The following UNC80 variants were observed in gnomAD, a reference collection of about 807,000 sequenced individuals.
UNC80 encodes the protein unc-80 subunit of NALCN channel complex.
A neutral mutation model predicts 384.6 loss-of-function variants in UNC80; 164 were observed. That is an observed-to-expected ratio of 0.43 (90% CI 0.38 to 0.49). The LOEUF (loss-of-function observed/expected upper bound fraction) is 0.49. Ranked by LOEUF, UNC80 falls within the 20% of genes least tolerant of loss-of-function variation. UNC80 has a pLI of 0.00. For synonymous variants in UNC80, 1,486 were observed against 1,527.8 expected, an observed-to-expected ratio of 0.97 and a Z score of 0.64; for missense variants, 3,330 against 4,143.0, an observed-to-expected ratio of 0.80 and a Z score of 5.39.
chr2:209,835,262 A>G (rs1433823147), intron 18 of UNC80, among the ~76,000 whole-genome samples: 1 of 152,168 alleles, frequency 6.6e-6, no homozygotes, highest in Non-Finnish European at 1.5e-5. Context: ...CTTTTCATGC[A>G]CACTACTGAA....
At chr2:209,786,537 GATTATT>G (rs148673755) in intron 5 of UNC80, among the ~76,000 whole-genome samples, 2 of 152,016 alleles carry the variant, frequency 1.3e-5, no homozygotes, top group Admixed American at 6.6e-5. Flanking sequence ...TGGCAGCTGC[GATTATT>G]ATTATTATTA....
rs77958724 is a variant in UNC80 at position 209,975,577 on chromosome 2, G to A, written c.8588-542G>A. ...ACCTCTGGGGAGCAGTTTAGTGTGG[G>A]GTCAGGAAGGGAACTGGGAAGGAAA... On this transcript the variant is annotated intron_variant, in intron 56 of 64. Coordinates refer to ENST00000673920, the MANE Select transcript of UNC80 (RefSeq NM_001371986.1). 8.6e-3 allele frequency among the ~76,000 whole-genome samples: 1,304 copies of A among 152,208 alleles called. 17 individuals are homozygous for A. Among genetic ancestry groups the A allele is most frequent in the African/African-American group, 0.03 (1,240 of 41,506 alleles).
At chr2:209,987,956 G>A (rs921659549) in intron 61 of UNC80, among the ~76,000 whole-genome samples, 3 of 152,088 alleles carry the variant, frequency 2.0e-5, no homozygotes, top group African/African-American at 4.8e-5. Flanking sequence ...TATCTACTTT[G>A]CCATTGCTAA....
chr2:209,984,885 G>A lies in UNC80; in HGVS notation c.9287G>A (p.Gly3096Asp). Residue 3096 changes from glycine to aspartate, a missense_variant, in exon 61 of 65, where the codon GGC (glycine) becomes GAC (aspartate). This residue lies in a region of UNC80 where 216 missense variants were observed against 245.3 expected (regional missense o/e 0.88). Coordinates refer to ENST00000673920, the MANE Select transcript of UNC80 (RefSeq NM_001371986.1). ...SEPNVLDDSQ[G>D]LAAEGSLSRV... is the part of the protein sequence containing the mutation. The stretch of plus-strand genomic sequence containing the variant: ...CCTAATGTCCTCGATGACTCCCAGG[G>A]CCTGGCCGCCGAGGGCAGCCTCTCT... 6.4e-7 allele frequency: 1 copy of A among 1,550,406 alleles called. No individual in the cohort carries two copies. The highest frequency in any genetic ancestry group is 8.7e-7 in the Non-Finnish European group (1 of 1,146,540).
intron 48 of UNC80, among the ~76,000 whole-genome samples, chr2:209,954,714 TTG>T (rs1004134714): frequency 6.6e-6 from 1 of 152,212 alleles, no homozygotes; most frequent in African/African-American, 2.4e-5. Context: ...TTGTGAAGTG[TTG>T]TGTTTTTAAC....
At chr2:209,911,491 G>A (rs936206965) in intron 29 of UNC80, among the ~76,000 whole-genome samples, 4 of 152,220 alleles carry the variant, frequency 2.6e-5, no homozygotes, top group African/African-American at 4.8e-5. Context: ...TTCTATACTC[G>A]TCACATAATA....
chr2:209,795,799 A>G (rs2078116869), intron 7 of UNC80: 2 of 152,260 alleles, frequency 1.3e-5, no homozygotes, highest in Admixed American at 6.5e-5. Flanking sequence ...ACCTCCGCCT[A>G]TATTTCAGAA....
intron 23 of UNC80, among the ~76,000 whole-genome samples, chr2:209,875,041 CT>C (rs1311775747): frequency 6.6e-6 from 1 of 152,118 alleles, no homozygotes; most frequent in Non-Finnish European, 1.5e-5. Flanking sequence ...GATGATTAAA[CT>C]TTTTTCCTAT....
chr2:209,921,202 C>T (rs187680826), intron 33 of UNC80, among the ~76,000 whole-genome samples: 1 of 152,038 alleles, frequency 6.6e-6, no homozygotes, highest in East Asian at 1.9e-4. Flanking sequence ...TTTATTTGAT[C>T]ATAATATTTA....
At chr2:209,903,066 C>T (rs2087606928) in intron 28 of UNC80, among the ~76,000 whole-genome samples, 1 of 151,752 alleles carries the variant, frequency 6.6e-6, no homozygotes, top group African/African-American at 2.4e-5. Context: ...TATGCACATC[C>T]TCCCACATAC....
chr2:209,970,551 G>A (rs919356273), intron 53 of UNC80, among the ~76,000 whole-genome samples: 1 of 152,150 alleles, frequency 6.6e-6, no homozygotes, highest in African/African-American at 2.4e-5. Flanking sequence ...ACAACTAAGT[G>A]TCCAATCTCC....
At position 209,775,937 on chromosome 2, in the gene UNC80, G is replaced by A. The variant is rs2076836398; in HGVS notation, c.190G>A (p.Ala64Thr). 1 of 1,614,076 alleles carries A rather than the reference G, an allele frequency of 6.2e-7. No homozygotes were observed. Among genetic ancestry groups the A allele is most frequent in the South Asian group, 1.1e-5 (1 of 91,088 alleles). Residue 64 changes from alanine to threonine, a missense_variant, in exon 3 of 65, where the codon GCT (alanine) becomes ACT (threonine). Coordinates refer to ENST00000673920, the MANE Select transcript of UNC80 (RefSeq NM_001371986.1). ...AAACAAGCTGCATGGCCTCTCTCCA[G>A]CTCTCTCTGAAGCCATCCAGAGCAT... Reference protein sequence around the residue: ...VENKLHGLSPALSEAIQSISR... With the variant: ...VENKLHGLSPTLSEAIQSISR...
chr2:209,834,235 T>C (rs1376642893), intron 17 of UNC80, 67 bp downstream of exon 17: 2 of 1,491,312 alleles, frequency 1.3e-6, no homozygotes, highest in Non-Finnish European at 1.8e-6. Context: ...TCTGTTGTAC[T>C]GTTTGTGTGG....
intron 22 of UNC80, among the ~76,000 whole-genome samples, chr2:209,854,076 C>A (rs1377295098): frequency 6.6e-6 from 1 of 152,128 alleles, no homozygotes; most frequent in Non-Finnish European, 1.5e-5. Flanking sequence ...CTAATTCACA[C>A]TTACTTCCAG....
Position 209,947,062 on chromosome 2 carries a change from A to G in UNC80, c.7286+1119A>G, listed in dbSNP as rs892247477. The stretch of plus-strand genomic sequence containing the variant: ...GGATGTGGCTGTGGCCTTCAGGAGA[A>G]CAAAGCTGCAGGATGGTCTCATTTC... On this transcript the variant is annotated intron_variant, in intron 47 of 64. Coordinates refer to ENST00000673920, the MANE Select transcript of UNC80 (RefSeq NM_001371986.1). Among the ~76,000 whole-genome samples the G allele has an allele frequency of 2.6e-5, 4 of 152,248 alleles. No individual in the cohort carries two copies. In the East Asian group the frequency reaches 5.8e-4, roughly 22 times the overall value.
rs1442403013 is a variant in UNC80 at position 209,969,822 on chromosome 2, A to C, written c.8061A>C (p.Thr2687=). Residue 2687 remains threonine, a synonymous_variant, in exon 53 of 65, where the codon ACA becomes ACC. Transcript: ENST00000673920. ...ASNLIEGVCL[T]LQRQPIISFL... ...ATTTGATTGAAGGGGTTTGTTTGAC[A>C]CTTCAGAGGCAGCCAATCATATCCT... is the stretch of plus-strand genomic sequence containing the variant. 6.4e-7 allele frequency: 1 copy of C among 1,551,672 alleles called. No homozygotes were observed. The highest frequency in any genetic ancestry group is 8.7e-7 in the Non-Finnish European group (1 of 1,146,972).
At position 209,913,867 on chromosome 2, in the gene UNC80, G is replaced by T; in HGVS notation, c.4956G>T (p.Glu1652Asp). The change falls in exon 31 of 65, where the codon GAG becomes GAT. Residue 1652 changes from glutamate (E) to aspartate (D), a missense_variant. By Grantham distance (45) the Glu-to-Asp change is conservative (BLOSUM62 2). Coordinates refer to ENST00000673920, the MANE Select transcript of UNC80 (RefSeq NM_001371986.1). ...LIKAAPILTE[E>D]MYGDIQPAAW... ...AGGCAGCACCAATTCTGACAGAGGA[G>T]ATGTACGGAGACATCCAGCCAGCTG... 1 of 1,551,502 alleles carries T rather than the reference G, an allele frequency of 6.4e-7. No homozygotes were observed. The highest frequency in any genetic ancestry group is 8.7e-7 in the Non-Finnish European group (1 of 1,146,794).
At chr2:209,985,464 C>G (rs17818255) in intron 61 of UNC80, among the ~76,000 whole-genome samples, 76,341 of 152,028 alleles carry the variant, frequency 0.5, 19,243 homozygotes, top group African/African-American at 0.52. Context: ...GTAGCTTGTT[C>G]CAGCAACACT....
chr2:209,978,403 G>A (rs2093065737), intron 58 of UNC80, 126 bp from the exon 59 acceptor site: 2 of 761,782 alleles, frequency 2.6e-6, no homozygotes. Context: ...TTGTTATAAA[G>A]ATCATTTGTC....
Sources: gnomAD v4.1 joint callset for allele counts (sites outside exome capture counted in the v4.1 genomes callset) on GRCh38, gnomAD v4.1.1 for gene constraint, gnomAD v4.1.1 regional missense constraint, MANE v1.5 for transcripts, NCBI Gene and HGNC (gene_info 2026-07-23, HGNC 2026-07-21) for gene names.